CALHM3: variants seen among roughly 807,000 people sequenced by gnomAD.
CALHM3 encodes the protein calcium homeostasis modulator protein 3.
In CALHM3, 9 loss-of-function variants were observed where a neutral mutation model predicts 13.6. The observed-to-expected ratio is 0.66, with a 90% CI of 0.40 to 1.15. The LOEUF (loss-of-function observed/expected upper bound fraction) is 1.15. Among genes scored for constraint, CALHM3 ranks in the 50% most tolerant of loss-of-function variants. CALHM3 has a pLI of 0.01. For synonymous variants in CALHM3, 231 were observed against 213.2 expected (o/e 1.08, Z -0.73); for missense variants, 497 against 463.4 (o/e 1.07, Z -0.67).
rs916454608 is a variant in CALHM3, at chr10:103,473,466, C to T, written c.782G>A (p.Arg261Gln). The T allele has an allele frequency of 1.1e-5, 17 of 1,545,014 alleles. No individual in the cohort carries two copies. The African/African-American group carries it at 1.4e-4, about 12-fold the overall frequency. ...CTCGAGTCTCCTGCCTGCATTGCCC[C>T]GGCGCAGCCCCCGCGCCTGCAGCTC... ...RSELQARGLR[R>Q]GNAGRRLELP... is the part of the protein sequence containing the mutation. Residue 261 changes from arginine to glutamine, a missense_variant, in exon 3 of 3, where the codon CGG becomes CAG. Transcript: ENST00000369783.
chr10:103,478,201 A>G (rs1443687917), intron 1 of CALHM3, among the ~76,000 whole-genome samples: 1 of 152,206 alleles, frequency 6.6e-6, no homozygotes, highest in Admixed American at 6.5e-5. Context: ...CGTCTATAAC[A>G]TCAGTTCATC....
chr10:103,473,468 G>T lies in CALHM3; in HGVS notation c.780C>A (p.Arg260=). The change falls in exon 3 of 3, where the codon CGC becomes CGA. Residue 260 remains arginine (R), a synonymous_variant. Transcript: ENST00000369783. ...MRSELQARGL[R]RGNAGRRLEL... ...CGAGTCTCCTGCCTGCATTGCCCCGGCGCAGCCCCCGCGCCTGCAGCTCAC... is the reference window on the plus strand; with the variant it reads ...CGAGTCTCCTGCCTGCATTGCCCCGTCGCAGCCCCCGCGCCTGCAGCTCAC... 1 of 1,544,116 alleles carries T rather than the reference G, an allele frequency of 6.5e-7. No homozygotes were observed.
intron 2 of CALHM3, among the ~76,000 whole-genome samples, chr10:103,474,669 G>A (rs2033369398): frequency 6.6e-6 from 1 of 152,138 alleles, no homozygotes; most frequent in Admixed American, 6.5e-5. Flanking sequence ...TGACCAGGCT[G>A]TTCTCAAACT....
chr10:103,472,975 C>A lies in CALHM3; in HGVS notation c.*238G>T. 2.5e-6 allele frequency: 1 copy of A among 407,070 alleles called. No homozygotes were observed. The highest frequency in any genetic ancestry group is 1.3e-4 in the South Asian group (1 of 7,448). 25.2% of individuals were successfully genotyped at this position (407,070 alleles called of 1,614,324 possible). On this transcript the variant is annotated 3_prime_UTR_variant, in exon 3 of 3. Coordinates refer to ENST00000369783, the MANE Select transcript of CALHM3 (RefSeq NM_001129742.2). ...TGCAGAATCTCAGACTCGGTCCTGG[C>A]TACACTGTCTGAACCTGTATTTAAC... is the stretch of plus-strand genomic sequence containing the variant.
At position 103,473,182 on chromosome 10, in the gene CALHM3, G is replaced by A; in HGVS notation, c.*31C>T. 7.6e-7 allele frequency: 1 copy of A among 1,319,838 alleles called. No individual in the cohort carries two copies. Among genetic ancestry groups the A allele is most frequent in the Non-Finnish European group, 9.7e-7 (1 of 1,030,412 alleles). The allele number at this position is 1,319,838 out of a possible 1,614,324, so 81.8% of individuals were successfully genotyped here. A position where few individuals can be genotyped will look rare whatever the true frequency, so the allele number is the denominator to read the frequency against. ...TTTGTCAGCGCGGCATTTCACCTGCGAACACTGCCGCTTCAAGCCTGGCCA... is the reference window on the plus strand; with the variant it reads ...TTTGTCAGCGCGGCATTTCACCTGCAAACACTGCCGCTTCAAGCCTGGCCA... On this transcript the variant is annotated 3_prime_UTR_variant, in exon 3 of 3. Transcript: ENST00000369783.
chr10:103,475,759 C>T (rs1592163651), intron 2 of CALHM3, among the ~76,000 whole-genome samples: 1 of 152,128 alleles, frequency 6.6e-6, no homozygotes, highest in South Asian at 2.1e-4. Context: ...AGTGCTGGGG[C>T]TGTAGGAGCA....
intron 1 of CALHM3, among the ~76,000 whole-genome samples, chr10:103,476,905 G>A (rs1419599998): frequency 2.0e-5 from 3 of 152,176 alleles, no homozygotes; most frequent in Non-Finnish European, 4.4e-5. Flanking sequence ...GGGCTTTGGA[G>A]GATTTTTTGC....
chr10:103,475,714 G>T (rs1173514898), intron 2 of CALHM3, among the ~76,000 whole-genome samples: 1 of 152,218 alleles, frequency 6.6e-6, no homozygotes, highest in African/African-American at 2.4e-5. Context: ...CGTGTGTAGT[G>T]GGTTCACATA....
chr10:103,473,444 G>C lies in CALHM3; in HGVS notation c.804C>G (p.Leu268=), dbSNP rs774517172. 2.7e-6 allele frequency: 4 copies of C among 1,502,628 alleles called. No individual in the cohort carries two copies. The highest frequency in any genetic ancestry group is 3.5e-6 in the Non-Finnish European group (4 of 1,135,560). The allele number at this position is 1,502,628 out of a possible 1,614,324, so 93.1% of individuals were successfully genotyped here. A position where few individuals can be genotyped will look rare whatever the true frequency, so the allele number is the denominator to read the frequency against. ...GLRRGNAGRR[L]ELPAVPEPPE... ...GGGGCTCAGGCACTGCGGGGAGCTC[G>C]AGTCTCCTGCCTGCATTGCCCCGGC... The change falls in exon 3 of 3, where the codon CTC becomes CTG. Residue 268 remains leucine (L), a synonymous_variant. Coordinates refer to ENST00000369783, the MANE Select transcript of CALHM3 (RefSeq NM_001129742.2).
rs1471567791 is a variant in CALHM3 at position 103,473,420 on chromosome 10, G to A, written c.828C>T (p.Pro276=). ...CACTTCCACTATCCAGGCCTTCTGG[G>A]GGCTCAGGCACTGCGGGGAGCTCGA... The part of the protein sequence containing the change: ...RRLELPAVPE[P]PEGLDSGSGK... Residue 276 remains proline (P), a synonymous_variant, in exon 3 of 3, where the codon CCC becomes CCT. Coordinates refer to ENST00000369783, the MANE Select transcript of CALHM3 (RefSeq NM_001129742.2). 6.6e-7 allele frequency: 1 copy of A among 1,519,494 alleles called. No homozygotes were observed. Among genetic ancestry groups the A allele is most frequent in the Non-Finnish European group, 8.9e-7 (1 of 1,129,234 alleles). 94.1% of individuals were successfully genotyped at this position (1,519,494 alleles called of 1,614,324 possible).
intron 2 of CALHM3, among the ~76,000 whole-genome samples, chr10:103,475,729 C>A (rs1373211136): frequency 6.6e-6 from 1 of 152,202 alleles, no homozygotes; most frequent in African/African-American, 2.4e-5. Flanking sequence ...CACATAAATA[C>A]TTTTTGGTGG....
chr10:103,476,917 C>A (rs1426937418), intron 1 of CALHM3, among the ~76,000 whole-genome samples: 1 of 152,144 alleles, frequency 6.6e-6, no homozygotes, highest in African/African-American at 2.4e-5. Flanking sequence ...ATTTTTTGCT[C>A]CAGAGAGGGG....
intron 2 of CALHM3, among the ~76,000 whole-genome samples, chr10:103,475,517 G>A (rs2033378147): frequency 6.6e-6 from 1 of 152,194 alleles, no homozygotes; most frequent in Non-Finnish European, 1.5e-5. Flanking sequence ...AAGCTCCCCT[G>A]TATTTTGCAT....
chr10:103,478,876 G>C lies in CALHM3; in HGVS notation c.157C>G (p.Leu53Val). ...AGCGGGGGCGTCAGCAGCAGGCCCA[G>C]GCCGTAGAGTGCATTGTAGTGCACC... ...CLVHYNALYG[L>V]GLLLTPPLAL... is the part of the protein sequence containing the mutation. The change falls in exon 1 of 3, where the codon CTG (leucine) becomes GTG (valine). Residue 53 changes from leucine to valine, a missense_variant. Coordinates refer to ENST00000369783, the MANE Select transcript of CALHM3 (RefSeq NM_001129742.2). 6.4e-7 allele frequency: 1 copy of C among 1,551,772 alleles called. No individual in the cohort carries two copies. The highest frequency in any genetic ancestry group is 8.7e-7 in the Non-Finnish European group (1 of 1,147,014).
At chr10:103,474,854 T>A (rs1198141950) in intron 2 of CALHM3, among the ~76,000 whole-genome samples, 1 of 152,222 alleles carries the variant, frequency 6.6e-6, no homozygotes, top group South Asian at 2.1e-4. Flanking sequence ...TGGGAGGCAC[T>A]GTGCTAAGAA....
intron 1 of CALHM3, among the ~76,000 whole-genome samples, 199 bp from the exon 2 acceptor site, chr10:103,476,748 T>C (rs185850169): frequency 3.9e-5 from 6 of 152,314 alleles, no homozygotes; most frequent in Admixed American, 3.9e-4. Flanking sequence ...CACTGAGGAC[T>C]TGGTATTCCT....
chr10:103,476,239 C>T (rs895729541), intron 2 of CALHM3, 55 bp downstream of exon 2: 2 of 1,544,680 alleles, frequency 1.3e-6, no homozygotes, highest in Admixed American at 2.0e-5. Context: ...CACTCCAGAA[C>T]CAATGCGGGG....
intron 1 of CALHM3, among the ~76,000 whole-genome samples, chr10:103,477,216 G>T (rs1206201449): frequency 6.6e-6 from 1 of 152,166 alleles, no homozygotes; most frequent in Non-Finnish European, 1.5e-5. Flanking sequence ...CATCCCAGGA[G>T]CCCACCCTCT....
intron 2 of CALHM3, among the ~76,000 whole-genome samples, chr10:103,475,409 C>A (rs1659571813): frequency 6.6e-6 from 1 of 152,196 alleles, no homozygotes; most frequent in Non-Finnish European, 1.5e-5. Flanking sequence ...AGTCAGGATT[C>A]AAACCCCGGT....
Sources: gnomAD v4.1 joint callset for allele counts (sites outside exome capture counted in the v4.1 genomes callset) on GRCh38, gnomAD v4.1.1 for gene constraint, MANE v1.5 for transcripts, NCBI Gene and HGNC (gene_info 2026-07-23, HGNC 2026-07-21) for gene names.